VWF: variants seen among roughly 807,000 people sequenced by gnomAD.
VWF encodes von Willebrand factor.
A neutral mutation model predicts 308.6 loss-of-function variants in VWF; 176 were observed. That is an observed-to-expected ratio of 0.57 (90% confidence interval 0.50 to 0.65). The LOEUF is 0.65. VWF is among the 30% of genes least tolerant of loss of function. VWF has a pLI of 0.00. For synonymous variants in VWF, 1,385 were observed against 1,443.4 expected, an observed-to-expected ratio of 0.96 and a Z score of 0.92; for missense variants, 3,146 against 3,648.2, an observed-to-expected ratio of 0.86 and a Z score of 3.55.
At chr12:5,993,711 C>A in intron 37 of VWF, 151 bp downstream of exon 37, 2 of 644,288 alleles carry the variant, frequency 3.1e-6, no homozygotes, top group Non-Finnish European at 5.4e-6. Flanking sequence ...ATATATCTTC[C>A]ATCTTATTTG....
At position 5,994,577 on chromosome 12, in the gene VWF, G is replaced by A; in HGVS notation, c.6094C>T (p.Pro2032Ser). The change falls in exon 36 of 52, where the codon CCT becomes TCT. Residue 2032 changes from proline (P) to serine (S), a missense_variant. Pro to Ser is a moderately conservative substitution (Grantham distance 74, BLOSUM62 -1). Transcript: ENST00000261405. ...ACTTCCATGTTCCCACCCACGTAAG[G>A]AACAGAGACCAGTCTCCCATTCACC... ...VTVNGRLVSV[P>S]YVGGNMEVNV... 6.2e-7 allele frequency: 1 copy of A among 1,613,918 alleles called. No homozygotes were observed. Among genetic ancestry groups the A allele is most frequent in the Non-Finnish European group, 8.5e-7 (1 of 1,179,860 alleles).
chr12:5,992,181 A>G (rs569140909), intron 37 of VWF, among the ~76,000 whole-genome samples, 163 bp from the exon 38 acceptor site: 31 of 152,358 alleles, frequency 2.0e-4, no homozygotes, highest in African/African-American at 7.2e-4. Flanking sequence ...ACAGAACTTT[A>G]GGCTGGGCAT....
chr12:6,044,910 C>A (rs974919502), intron 17 of VWF, among the ~76,000 whole-genome samples: 1 of 152,104 alleles, frequency 6.6e-6, no homozygotes, highest in Non-Finnish European at 1.5e-5. Flanking sequence ...GATCTCTGCT[C>A]GCGTCAGCCC....
intron 20 of VWF, among the ~76,000 whole-genome samples, chr12:6,032,560 T>C (rs1223589198): frequency 7.8e-6 from 1 of 127,504 alleles, no homozygotes; most frequent in Non-Finnish European, 1.7e-5. Context: ...ATGGCATGAA[T>C]CGAGGAGGCG....
At chr12:6,047,580 T>C (rs1944459351) in intron 16 of VWF, among the ~76,000 whole-genome samples, 1 of 152,228 alleles carries the variant, frequency 6.6e-6, no homozygotes, top group East Asian at 1.9e-4. Flanking sequence ...TTATCTCCAC[T>C]GTCATGAGAC....
intron 34 of VWF, among the ~76,000 whole-genome samples, chr12:5,999,727 C>T (rs536447883): frequency 1.3e-5 from 2 of 152,098 alleles, no homozygotes; most frequent in African/African-American, 4.8e-5. Flanking sequence ...TGAGACAATA[C>T]TCAAACTGAA....
intron 32 of VWF, 29 bp from the exon 33 acceptor site, chr12:6,012,159 T>C (rs201383906): frequency 2.5e-6 from 4 of 1,613,586 alleles, no homozygotes; most frequent in Non-Finnish European, 3.4e-6. Context: ...AGACCTTAGT[T>C]CCCATCTTTC....
At chr12:5,976,493 G>A (rs1943535259) in intron 42 of VWF, among the ~76,000 whole-genome samples, 1 of 152,060 alleles carries the variant, frequency 6.6e-6, no homozygotes, top group Admixed American at 6.5e-5. Context: ...GGCCCCTCGT[G>A]AGGCCTTCAT....
intron 5 of VWF, among the ~76,000 whole-genome samples, chr12:6,097,715 G>A (rs2136503397): frequency 6.6e-6 from 1 of 152,322 alleles, no homozygotes; most frequent in African/African-American, 2.4e-5. Flanking sequence ...AAGCCACCGA[G>A]TTTGTGGTAA....
chr12:6,124,189 G>A (rs896190104), intron 1 of VWF, among the ~76,000 whole-genome samples: 1 of 152,150 alleles, frequency 6.6e-6, no homozygotes, highest in Non-Finnish European at 1.5e-5. Context: ...ACTCATTTGA[G>A]TGAAGTACTA....
At chr12:6,118,104 C>A (rs746394936) in intron 3 of VWF, among the ~76,000 whole-genome samples, 1 of 152,174 alleles carries the variant, frequency 6.6e-6, no homozygotes, top group Non-Finnish European at 1.5e-5. Flanking sequence ...CATGTCCCCA[C>A]CTGGTAGGGC....
Position 6,075,356 on chromosome 12 carries a change from A to G in VWF, c.853T>C (p.Trp285Arg), listed in dbSNP as rs1382537954. The G allele has an allele frequency of 1.2e-6, 2 of 1,614,010 alleles. No homozygotes were observed. The highest frequency in any genetic ancestry group is 1.7e-6 in the Non-Finnish European group (2 of 1,180,044). The change falls in exon 7 of 52, where the codon TGG becomes CGG. Residue 285 changes from tryptophan (W) to arginine (R), a missense_variant. Around this residue, in one of 3 missense-constraint regions of VWF, gnomAD observed 1,304 missense variants for 1,353.0 expected, o/e 0.96. Transcript: ENST00000261405. The surrounding 1 kb of genome is among the most constrained non-coding windows in gnomAD (Gnocchi z 4.7). ...TTACTGCACGCGCTGTGGTCGGTCC[A>G]GCCGTACAGCACCATTCCCTCCTGG... Reference protein sequence around the residue: ...CAQEGMVLYGWTDHSACSPVC... With the variant: ...CAQEGMVLYGRTDHSACSPVC...
At chr12:5,949,354 G>T in intron 51 of VWF, 151 bp from the exon 52 acceptor site, 1 of 760,388 alleles carries the variant, frequency 1.3e-6, no homozygotes, top group Non-Finnish European at 2.3e-6. Context: ...TAGGCAATTT[G>T]TAAAGGAAGA....
chr12:6,103,422 G>GTATACACTTGTGTA (rs1555075269), intron 5 of VWF, among the ~76,000 whole-genome samples: 1 of 114,066 alleles, frequency 8.8e-6, no homozygotes, highest in African/African-American at 5.9e-5. Context: ...ACACGTGTGT[G>GTATACACTTGTGTA]TATACACACG....
chr12:5,994,658 A>C (rs145612962), intron 35 of VWF, 51 bp from the exon 36 acceptor site: 2 of 1,576,788 alleles, frequency 1.3e-6, no homozygotes, highest in South Asian at 2.2e-5. Context: ...GAGGAATCCT[A>C]GGTTTTTAGG....
Position 6,060,937 on chromosome 12 carries a change from A to G in VWF, c.1533+2017T>C, listed in dbSNP as rs1469954042. Among the ~76,000 whole-genome samples, 1 of 152,236 alleles carries G rather than the reference A, an allele frequency of 6.6e-6. No homozygotes were observed. Among genetic ancestry groups the G allele is most frequent in the African/African-American group, 2.4e-5 (1 of 41,450 alleles). ...ACTGGCTGGCCGGGCGTGGTGGCTC[A>G]TGCCCGTAATCCCAGCACTTTGGGA... On this transcript the variant is annotated intron_variant, in intron 13 of 51. Transcript: ENST00000261405. The surrounding 1 kb of genome is among the most constrained non-coding windows in gnomAD (Gnocchi z 5.1).
At position 6,023,801 on chromosome 12, in the gene VWF, C is replaced by T; in HGVS notation, c.3223-14G>A. On this transcript the variant is annotated splice_polypyrimidine_tract_variant and intron_variant, in intron 24 of 51. Transcript: ENST00000261405. ...CTCGGGGTCCACCTGCAAAGGCAGC[C>T]TCAGGTGGCCCAGGCCTATGGCCAG... 6.2e-7 allele frequency: 1 copy of T among 1,610,932 alleles called. No homozygotes were observed. Among genetic ancestry groups the T allele is most frequent in the South Asian group, 1.1e-5 (1 of 90,460 alleles).
chr12:6,112,629 C>T (rs1945320035), intron 3 of VWF, among the ~76,000 whole-genome samples: 1 of 152,120 alleles, frequency 6.6e-6, no homozygotes, highest in African/African-American at 2.4e-5. Flanking sequence ...TGGGCTTCTT[C>T]TTGGCAAGAA....
At chr12:6,102,367 G>T (rs1591918775) in intron 5 of VWF, among the ~76,000 whole-genome samples, 1 of 152,082 alleles carries the variant, frequency 6.6e-6, no homozygotes, top group South Asian at 2.1e-4. Context: ...GCTTGAACCT[G>T]GGAGGTGGAG....
Sources: allele counts gnomAD v4.1 joint callset (sites outside exome capture counted in the v4.1 genomes callset), GRCh38; gene constraint gnomAD v4.1.1; regional missense constraint gnomAD v4.1.1; non-coding constraint Gnocchi (gnomAD v3.1); transcripts MANE v1.5; gene names NCBI Gene and HGNC (gene_info 2026-07-23, HGNC 2026-07-21).